The following CSMD1 variants were observed in gnomAD, a reference collection of about 807,000 sequenced individuals.
The protein encoded by CSMD1 is CUB and Sushi multiple domains 1.
A neutral mutation model predicts 417.5 loss-of-function variants in CSMD1; 213 were observed. That is an observed-to-expected ratio of 0.51 (90% CI 0.46 to 0.57). The LOEUF (loss-of-function observed/expected upper bound fraction) is 0.57, where lower values mean the gene tolerates loss of function less well. Among genes scored for constraint, CSMD1 ranks in the 20% least tolerant of loss-of-function variants. The pLI, the probability that CSMD1 is intolerant of heterozygous loss-of-function variation, is 0.00. For missense variants in CSMD1, 6,923 were observed against 4,529.7 expected, an observed-to-expected ratio of 1.53 and a Z score of -15.17; for synonymous variants, 2,862 against 1,736.8, an observed-to-expected ratio of 1.65 and a Z score of -16.11.
intron 3 of CSMD1, among the ~76,000 whole-genome samples, chr8:4,042,083 G>T (rs955429730): frequency 2.0e-5 from 3 of 152,010 alleles, no homozygotes; most frequent in African/African-American, 7.2e-5. Context: ...ACTGAAGGCA[G>T]GGAACACAAA....
chr8:3,922,283 G>C (rs1484145687), intron 5 of CSMD1, among the ~76,000 whole-genome samples: 2 of 151,724 alleles, frequency 1.3e-5, no homozygotes, highest in African/African-American at 4.8e-5. Flanking sequence ...AACATAGTGA[G>C]TTCCTTTTAA....
chr8:3,412,010 A>ATACGTG (rs1554543468), intron 12 of CSMD1, among the ~76,000 whole-genome samples: 471 of 38,884 alleles, frequency 0.012, 181 homozygotes, highest in Middle Eastern at 0.048. Context: ...ACACGTATAT[A>ATACGTG]TATACATATA....
At chr8:4,617,866 G>C (rs752200624) in intron 2 of CSMD1, among the ~76,000 whole-genome samples, 1 of 152,072 alleles carries the variant, frequency 6.6e-6, no homozygotes, top group Non-Finnish European at 1.5e-5. Flanking sequence ...CACCCTTCTT[G>C]CTCTCATTTT....
intron 3 of CSMD1, among the ~76,000 whole-genome samples, chr8:4,299,670 T>C (rs1797875397): frequency 6.6e-6 from 1 of 152,214 alleles, no homozygotes; most frequent in African/African-American, 2.4e-5. Context: ...AGTCTCATTC[T>C]GTCGCCAGGC....
chr8:3,997,765 C>T, intron 5 of CSMD1, 138 bp downstream of exon 5: 1 of 731,382 alleles, frequency 1.4e-6, no homozygotes, highest in South Asian at 1.9e-5. Flanking sequence ...TTTTCCAGAG[C>T]CAAAAGAGCA....
chr8:3,708,261 A>G (rs374522820), intron 7 of CSMD1, among the ~76,000 whole-genome samples, 153 bp downstream of exon 7: 4 of 152,318 alleles, frequency 2.6e-5, no homozygotes, highest in African/African-American at 2.4e-5. Context: ...AAGTTAGTGC[A>G]TGTTCTTTCT....
At position 3,255,942 on chromosome 8, in the gene CSMD1, C is replaced by A. The variant is rs150300240; in HGVS notation, c.4154-25711G>T. ...CCTCAGTTGGAAATGCAGAAATCAC[C>A]CATCTTCTGCATCGTTCATGCTGGG... On this transcript the variant is annotated intron_variant, in intron 26 of 69. Transcript: ENST00000635120. Among the ~76,000 whole-genome samples the A allele has an allele frequency of 5.9e-3, 897 of 152,290 alleles. 13 individuals carry two copies. The highest frequency in any genetic ancestry group is 0.02 in the African/African-American group (848 of 41,560).
rs1224769583 is a variant in CSMD1, at chr8:2,999,948, G to A, written c.8203+10C>T. 4 of 1,606,008 alleles carry A rather than the reference G, an allele frequency of 2.5e-6. No individual in the cohort carries two copies. The highest frequency in any genetic ancestry group is 2.6e-6 in the Non-Finnish European group (3 of 1,176,396). On this transcript the variant is annotated intron_variant, in intron 53 of 69. Coordinates refer to ENST00000635120, the MANE Select transcript of CSMD1 (RefSeq NM_033225.6). The stretch of plus-strand genomic sequence containing the variant: ...GCATCGATGAATTCGTCCACAAAGA[G>A]TGCACTTACGGACACAGACAGGCGT...
At chr8:4,061,508 A>G (rs988166735) in intron 3 of CSMD1, among the ~76,000 whole-genome samples, 8 of 152,202 alleles carry the variant, frequency 5.3e-5, no homozygotes, top group Non-Finnish European at 1.0e-4. Flanking sequence ...CTGTAAAGTA[A>G]GTAGGGAATG....
chr8:4,133,101 A>C (rs1803209360), intron 3 of CSMD1, among the ~76,000 whole-genome samples: 1 of 151,938 alleles, frequency 6.6e-6, no homozygotes. Context: ...ATGCCCGGAT[A>C]ATTTTTCTGT....
intron 3 of CSMD1, among the ~76,000 whole-genome samples, chr8:4,214,677 T>G (rs1800527987): frequency 6.6e-6 from 1 of 152,158 alleles, no homozygotes; most frequent in African/African-American, 2.4e-5. Context: ...AGTATGAGTG[T>G]GTTTGGTGTG....
chr8:3,663,139 C>T lies in CSMD1; in HGVS notation c.1009+45275G>A, dbSNP rs373304470. On this transcript the variant is annotated intron_variant, in intron 7 of 69. Transcript: ENST00000635120. ...AAGCAGTGGGGGCCTCAGGAGAGGC[C>T]GACAAAGAAAAGGTTAGGAAGAAAG... Among the ~76,000 whole-genome samples the T allele has an allele frequency of 5.3e-5, 8 of 151,964 alleles. No individual in the cohort carries two copies. The South Asian group carries it at 1.3e-3, about 24-fold the overall frequency.
chr8:4,787,196 T>C (rs549957895), intron 1 of CSMD1: 1 of 445,568 alleles, frequency 2.2e-6, no homozygotes, highest in African/African-American at 2.0e-5. Flanking sequence ...TGGCGCAGGG[T>C]CGCGGGGCCC....
At chr8:2,992,415 T>C (rs1806475336) in intron 54 of CSMD1, among the ~76,000 whole-genome samples, 1 of 152,022 alleles carries the variant, frequency 6.6e-6, no homozygotes, top group Non-Finnish European at 1.5e-5. Flanking sequence ...AGTTTTGATT[T>C]GCTTTGTTGT....
At chr8:3,877,300 A>G (rs1237795340) in intron 5 of CSMD1, among the ~76,000 whole-genome samples, 2 of 152,146 alleles carry the variant, frequency 1.3e-5, no homozygotes, top group East Asian at 1.9e-4. Context: ...AAACTTCTGC[A>G]TGCTGGGAGC....
intron 3 of CSMD1, among the ~76,000 whole-genome samples, chr8:4,166,426 C>A (rs915819540): frequency 6.6e-6 from 1 of 152,056 alleles, no homozygotes; most frequent in Admixed American, 6.5e-5. Context: ...ACAATAATAG[C>A]CATAACATAG....
At chr8:4,138,254 T>C (rs773581031) in intron 3 of CSMD1, among the ~76,000 whole-genome samples, 1 of 149,996 alleles carries the variant, frequency 6.7e-6, no homozygotes, top group African/African-American at 2.4e-5. Flanking sequence ...GTTTTCCTTT[T>C]CTCCTGGCTA....
At chr8:3,420,709 C>T (rs1044748104) in intron 12 of CSMD1, among the ~76,000 whole-genome samples, 1 of 152,084 alleles carries the variant, frequency 6.6e-6, no homozygotes, top group Non-Finnish European at 1.5e-5. Flanking sequence ...GTCTTAATAC[C>T]TTTGTCACGC....
Position 4,198,077 on chromosome 8 carries a change from G to A in CSMD1, c.416-165978C>T, listed in dbSNP as rs146458536. On this transcript the variant is annotated intron_variant, in intron 3 of 69. Coordinates refer to ENST00000635120, the MANE Select transcript of CSMD1 (RefSeq NM_033225.6). ...CTCAGCGATTATCAAAGCGCAAAGC[G>A]AGGGAAGTCTGGGAGTCTGAGTTAA... 4.3e-3 allele frequency among the ~76,000 whole-genome samples: 653 copies of A among 152,356 alleles called. 7 individuals carry two copies. The highest frequency in any genetic ancestry group is 6.8e-3 in the Non-Finnish European group (466 of 68,040).
Sources: allele counts gnomAD v4.1 joint callset (sites outside exome capture counted in the v4.1 genomes callset), GRCh38; gene constraint gnomAD v4.1.1; transcripts MANE v1.5; gene names NCBI Gene and HGNC (gene_info 2026-07-23, HGNC 2026-07-21).